TOP1: variants seen among roughly 807,000 people sequenced by gnomAD.
The protein encoded by TOP1 is DNA topoisomerase 1.
Under a neutral mutation model 111.1 loss-of-function variants are expected in TOP1, and 10 were observed. The ratio of observed to expected loss-of-function variants is 0.09; its 90% confidence interval spans 0.06 to 0.15. TOP1 has a LOEUF of 0.15. TOP1 is among the 10% of genes least tolerant of loss of function. The probability of loss-of-function intolerance (pLI) is 1.00; values close to 1 mark genes in which losing one functional copy is unlikely to be tolerated. For synonymous variants in TOP1, 271 were observed against 302.9 expected (o/e 0.89, Z 1.10); for missense variants, 474 against 926.7 (o/e 0.51, Z 6.34).
chr20:41,061,409 A>G lies in TOP1; in HGVS notation c.74A>G (p.Lys25Arg), dbSNP rs1302095474. ...DFRLNDSHKH[K>R]DKHKDREHRH... ...ATGGTTGCAGATTCTCATAAACACA[A>G]AGATAAACACAAAGATCGAGAACAC... Residue 25 changes from lysine to arginine, a missense_variant, in exon 3 of 21, where the codon AAA becomes AGA. This residue lies in a region of TOP1 where 185 missense variants were observed against 226.3 expected (regional missense o/e 0.82). Coordinates refer to ENST00000361337, the MANE Select transcript of TOP1 (RefSeq NM_003286.4). The surrounding 1 kb of genome is among the most constrained non-coding windows in gnomAD (Gnocchi z 4.6). 6.2e-7 allele frequency: 1 copy of G among 1,613,712 alleles called. No individual in the cohort carries two copies. Among genetic ancestry groups the G allele is most frequent in the Non-Finnish European group, 8.5e-7 (1 of 1,179,796 alleles).
chr20:41,029,577 T>C lies in TOP1; in HGVS notation c.58+122T>C. 1 of 799,554 alleles carries C rather than the reference T, an allele frequency of 1.3e-6. No individual in the cohort carries two copies. The highest frequency in any genetic ancestry group is 2.1e-6 in the Non-Finnish European group (1 of 480,668). 49.5% of individuals were successfully genotyped at this position (799,554 alleles called of 1,614,324 possible). A position where few individuals can be genotyped will look rare whatever the true frequency, so the allele number is the denominator to read the frequency against. ...CAGAGACTAAGTCCCGGCTCCTCGC[T>C]CACCGGCCCCATTGTTCCCATCGGG... On this transcript the variant is annotated intron_variant, in intron 2 of 20. Transcript: ENST00000361337. The surrounding 1 kb of genome is among the most constrained non-coding windows in gnomAD (Gnocchi z 6.1).
In TOP1 at chr20:41,102,548, C is replaced by T. The variant is rs575526971; in HGVS notation, c.1308+1195C>T. On this transcript the variant is annotated intron_variant, in intron 13 of 20. Coordinates refer to ENST00000361337, the MANE Select transcript of TOP1 (RefSeq NM_003286.4). The surrounding 1 kb of genome is among the most constrained non-coding windows in gnomAD (Gnocchi z 4.0). ...TCGCTTGAACCTGGGAGGCAGAGGT[C>T]GCAGTGAGCTGAGATCACGCCACTG... Among the ~76,000 whole-genome samples, 6 of 152,114 alleles carry T rather than the reference C, an allele frequency of 3.9e-5. No homozygotes were observed. The highest frequency in any genetic ancestry group is 1.4e-4 in the African/African-American group (6 of 41,488).
intron 2 of TOP1, among the ~76,000 whole-genome samples, chr20:41,044,025 C>A (rs1216037024): frequency 6.6e-6 from 1 of 152,318 alleles, no homozygotes; most frequent in African/African-American, 2.4e-5. Flanking sequence ...GCCTGTAATC[C>A]CAGCACTTTG....
At position 41,029,171 on chromosome 20, in the gene TOP1, C is replaced by G. The variant is rs1462815488; in HGVS notation, c.33+71C>G. The G allele has an allele frequency of 3.3e-6, 4 of 1,223,440 alleles. No individual in the cohort carries two copies. Among genetic ancestry groups the G allele is most frequent in the East Asian group, 3.1e-5 (1 of 31,888 alleles). 75.8% of individuals were successfully genotyped at this position (1,223,440 alleles called of 1,614,324 possible). On this transcript the variant is annotated intron_variant, in intron 1 of 20. Transcript: ENST00000361337. This position sits in a 1 kb window ranked among gnomAD's most constrained non-coding sequence, Gnocchi z 6.1. ...GTCCCGCGACCCCCGGCGCAGGCCC[C>G]GACCCCAGCCCCGGCCCGGCAGCTT...
chr20:41,057,343 C>G (rs1400732725), intron 2 of TOP1, among the ~76,000 whole-genome samples: 11 of 151,816 alleles, frequency 7.2e-5, no homozygotes, highest in Admixed American at 6.6e-4. Context: ...GATCACACCA[C>G]TGCACTCCAG....
intron 8 of TOP1, among the ~76,000 whole-genome samples, chr20:41,089,799 A>G (rs1239620624): frequency 2.0e-5 from 3 of 151,846 alleles, no homozygotes; most frequent in South Asian, 2.1e-4. Flanking sequence ...CTTCACCAAC[A>G]CTTGTTATTT....
At position 41,046,475 on chromosome 20, in the gene TOP1, G is replaced by A. The variant is rs559667180; in HGVS notation, c.59-14919G>A. On this transcript the variant is annotated intron_variant, in intron 2 of 20. Coordinates refer to ENST00000361337, the MANE Select transcript of TOP1 (RefSeq NM_003286.4). The surrounding 1 kb of genome is among the most constrained non-coding windows in gnomAD (Gnocchi z 4.3). The stretch of plus-strand genomic sequence containing the variant: ...CTGTGGTGGAATTACCCATCAGACT[G>A]GGGGCGCCCATCTCTTCACTTATGA... 2.3e-4 allele frequency among the ~76,000 whole-genome samples: 35 copies of A among 152,288 alleles called. No homozygotes were observed. The highest frequency in any genetic ancestry group is 7.0e-4 in the African/African-American group (29 of 41,560).
rs1212711665 is a variant in TOP1 at position 41,106,163 on chromosome 20, C to G, written c.1308+4810C>G. 6.6e-6 allele frequency among the ~76,000 whole-genome samples: 1 copy of G among 152,178 alleles called. No individual in the cohort carries two copies. The highest frequency in any genetic ancestry group is 1.5e-5 in the Non-Finnish European group (1 of 68,018). On this transcript the variant is annotated intron_variant, in intron 13 of 20. Transcript: ENST00000361337. This position sits in a 1 kb window ranked among gnomAD's most constrained non-coding sequence, Gnocchi z 4.3. ...GAACTATTTAGTTGTATTACCTCCTCTCTTGTATATCAGATATATCTACAT... is the reference window on the plus strand; with the variant it reads ...GAACTATTTAGTTGTATTACCTCCTGTCTTGTATATCAGATATATCTACAT...
intron 8 of TOP1, among the ~76,000 whole-genome samples, chr20:41,085,999 G>A (rs972676341): frequency 3.9e-5 from 6 of 152,136 alleles, no homozygotes; most frequent in Non-Finnish European, 5.9e-5. Context: ...ACAGTGGCTC[G>A]TATCTGTAAT....
At chr20:41,085,788 G>A (rs2033841106) in intron 8 of TOP1, among the ~76,000 whole-genome samples, 1 of 152,202 alleles carries the variant, frequency 6.6e-6, no homozygotes, top group African/African-American at 2.4e-5. Context: ...CTGAGGAAAG[G>A]GAGAAAGAGC....
At chr20:41,113,715 C>CA (rs987087793) in intron 14 of TOP1, among the ~76,000 whole-genome samples, 17,911 of 102,598 alleles carry the variant, frequency 0.17, 1,697 homozygotes, top group East Asian at 0.64. Context: ...ACTAAAAATA[C>CA]AAAAAAAAAA....
chr20:41,107,010 A>C (rs1260773994), intron 13 of TOP1, among the ~76,000 whole-genome samples: 3 of 152,166 alleles, frequency 2.0e-5, no homozygotes, highest in Non-Finnish European at 4.4e-5. Flanking sequence ...CTTGTATCTC[A>C]TACCTTCTGG....
rs533526984 is a variant in TOP1, at chr20:41,057,391, T to TA, written c.59-3991dup. 7.0e-3 allele frequency among the ~76,000 whole-genome samples: 997 copies of TA among 143,322 alleles called. 4 individuals are homozygous for TA. Among genetic ancestry groups the TA allele is most frequent in the East Asian group, 0.018 (90 of 4,954 alleles). 94.0% of individuals were successfully genotyped at this position (143,322 alleles called of 152,430 possible). A position where few individuals can be genotyped will look rare whatever the true frequency, so the allele number is the denominator to read the frequency against. On this transcript the variant is annotated intron_variant, in intron 2 of 20. Coordinates refer to ENST00000361337, the MANE Select transcript of TOP1 (RefSeq NM_003286.4). Reference sequence around the variant, plus strand: ...AGTGAGACTCTGTCTCCAAAAAAAATAAAAAAAAAAAAGTTATTGGCAGAC... The same window carrying TA: ...AGTGAGACTCTGTCTCCAAAAAAAATAAAAAAAAAAAAAGTTATTGGCAGAC...
In TOP1 at chr20:41,029,439, G is replaced by A; in HGVS notation, c.42G>A (p.Ala14=). 3 of 1,494,032 alleles carry A rather than the reference G, an allele frequency of 2.0e-6. No individual in the cohort carries two copies. The highest frequency in any genetic ancestry group is 2.7e-6 in the Non-Finnish European group (3 of 1,120,024). 92.5% of individuals were successfully genotyped at this position (1,494,032 alleles called of 1,614,324 possible). Residue 14 remains alanine (A), a synonymous_variant, in exon 2 of 21, where the codon GCG becomes GCA. Transcript: ENST00000361337. This position sits in a 1 kb window ranked among gnomAD's most constrained non-coding sequence, Gnocchi z 6.1. ...TCCTTTTCTTTTTCCAGATCGAAGC[G>A]GATTTCCGATTGAATGGTGAGTGTG... is the stretch of plus-strand genomic sequence containing the variant. ...DHLHNDSQIE[A]DFRLNDSHKH...
At chr20:41,077,948 ATTTTTT>A (rs57349578) in intron 5 of TOP1, among the ~76,000 whole-genome samples, 6 of 129,554 alleles carry the variant, frequency 4.6e-5, no homozygotes, top group Non-Finnish European at 8.1e-5. Flanking sequence ...ACAGTGTACC[ATTTTTT>A]TTTTTTTTTT....
intron 9 of TOP1, among the ~76,000 whole-genome samples, chr20:41,093,800 G>C (rs1337636463): frequency 6.6e-6 from 1 of 152,222 alleles, no homozygotes; most frequent in East Asian, 1.9e-4. Flanking sequence ...GTCCACCAAT[G>C]CTTGTAGGCC....
At chr20:41,049,840 T>G (rs2033381194) in intron 2 of TOP1, among the ~76,000 whole-genome samples, 1 of 152,218 alleles carries the variant, frequency 6.6e-6, no homozygotes, top group Non-Finnish European at 1.5e-5. Flanking sequence ...AGAGATTTTT[T>G]TTTTGTTTGT....
chr20:41,031,744 A>G (rs937860778), intron 2 of TOP1, among the ~76,000 whole-genome samples: 8 of 152,342 alleles, frequency 5.3e-5, no homozygotes, highest in Admixed American at 3.3e-4. Flanking sequence ...TGGCCACTCT[A>G]AATCCCATGA....
In TOP1 at chr20:41,109,398, A is replaced by G. The variant is rs1364672324; in HGVS notation, c.1309-3384A>G. ...AGCTTGTAGGTGATATCATGGTTGA[A>G]TATGACCTTAGAGTAGATTCCTTAG... On this transcript the variant is annotated intron_variant, in intron 13 of 20. Transcript: ENST00000361337. This position sits in a 1 kb window ranked among gnomAD's most constrained non-coding sequence, Gnocchi z 4.1. Among the ~76,000 whole-genome samples, 2 of 152,212 alleles carry G rather than the reference A, an allele frequency of 1.3e-5. No homozygotes were observed. The highest frequency in any genetic ancestry group is 1.5e-5 in the Non-Finnish European group (1 of 68,038).
Sources: gnomAD v4.1 joint callset for allele counts (sites outside exome capture counted in the v4.1 genomes callset) on GRCh38, gnomAD v4.1.1 for gene constraint, gnomAD v4.1.1 regional missense constraint, Gnocchi (gnomAD v3.1) non-coding constraint, MANE v1.5 for transcripts, NCBI Gene and HGNC (gene_info 2026-07-23, HGNC 2026-07-21) for gene names.